Variants in SPON1 observed in about 807,000 individuals in gnomAD.
SPON1 encodes the protein spondin-1.
In SPON1, 52 loss-of-function variants were observed where a neutral mutation model predicts 111.7. The observed-to-expected ratio is 0.47, with a 90% CI of 0.37 to 0.59. The LOEUF (loss-of-function observed/expected upper bound fraction) is 0.59, where lower values mean the gene tolerates loss of function less well. SPON1 is among the 20% of genes least tolerant of loss of function. SPON1 has a pLI of 0.00. For synonymous variants in SPON1, 410 were observed against 395.8 expected (o/e 1.04, Z -0.43); for missense variants, 957 against 1,068.5 (o/e 0.90, Z 1.46).
At chr11:14,040,287 T>C (rs1472075507) in intron 2 of SPON1, among the ~76,000 whole-genome samples, 1 of 152,166 alleles carries the variant, frequency 6.6e-6, no homozygotes, top group Non-Finnish European at 1.5e-5. Context: ...ATGTGATCTA[T>C]GCATGCAATG....
At chr11:14,165,056 A>G (rs1313639294) in intron 6 of SPON1, among the ~76,000 whole-genome samples, 1 of 152,180 alleles carries the variant, frequency 6.6e-6, no homozygotes, top group Non-Finnish European at 1.5e-5. Flanking sequence ...CTTGTGGCTA[A>G]TGTTAGTCCT....
intron 6 of SPON1, among the ~76,000 whole-genome samples, chr11:14,229,463 T>G (rs1848772059): frequency 2.6e-5 from 4 of 152,132 alleles, no homozygotes; most frequent in Admixed American, 2.0e-4. Flanking sequence ...GGTCAGGCAG[T>G]AGTGAGAGGT....
At chr11:14,079,547 G>T (rs1386934760) in intron 4 of SPON1, among the ~76,000 whole-genome samples, 1 of 152,082 alleles carries the variant, frequency 6.6e-6, no homozygotes, top group Non-Finnish European at 1.5e-5. Flanking sequence ...TGTGGGAGGG[G>T]TGGGGAAGGA....
chr11:14,202,190 C>G (rs918927430), intron 6 of SPON1, among the ~76,000 whole-genome samples: 6 of 152,154 alleles, frequency 3.9e-5, no homozygotes, highest in Admixed American at 3.9e-4. Context: ...ACCGAGGAAA[C>G]GTTCACTTGT....
intron 2 of SPON1, among the ~76,000 whole-genome samples, chr11:14,037,289 G>C (rs782578725): frequency 3.3e-5 from 5 of 152,084 alleles, no homozygotes; most frequent in Non-Finnish European, 7.4e-5. Flanking sequence ...TGGAGCACAA[G>C]TTGAATCCAG....
chr11:14,230,780 CTTCCTTCA>C (rs1337751966), intron 6 of SPON1, among the ~76,000 whole-genome samples: 1 of 113,394 alleles, frequency 8.8e-6, no homozygotes, highest in Non-Finnish European at 1.9e-5. Context: ...TCCTTCCTTC[CTTCCTTCA>C]TTTTTTCGTG....
chr11:14,046,769 C>T (rs147292676), intron 3 of SPON1, among the ~76,000 whole-genome samples: 172 of 152,228 alleles, frequency 1.1e-3, no homozygotes, highest in South Asian at 4.6e-3. Context: ...TTTGGGATTT[C>T]GAATGGCTTT....
At chr11:14,117,241 T>C (rs1428351032) in intron 5 of SPON1, among the ~76,000 whole-genome samples, 5 of 152,222 alleles carry the variant, frequency 3.3e-5, no homozygotes, top group African/African-American at 1.2e-4. Flanking sequence ...GTGGCAATAA[T>C]GGACATTCTT....
chr11:14,166,784 A>C (rs1848034894), intron 6 of SPON1, among the ~76,000 whole-genome samples: 1 of 152,198 alleles, frequency 6.6e-6, no homozygotes, highest in East Asian at 1.9e-4. Flanking sequence ...TTATACAAAC[A>C]CAGTCCAAAG....
intron 7 of SPON1, among the ~76,000 whole-genome samples, chr11:14,246,519 C>G (rs1848991764): frequency 6.6e-6 from 1 of 152,096 alleles, no homozygotes; most frequent in Admixed American, 6.6e-5. Flanking sequence ...CTAAATTAAT[C>G]AAGACATATA....
At chr11:13,996,357 A>C (rs1369079011) in intron 2 of SPON1, among the ~76,000 whole-genome samples, 6 of 152,206 alleles carry the variant, frequency 3.9e-5, no homozygotes, top group Admixed American at 6.5e-5. Flanking sequence ...GTGAAAAGTC[A>C]TTTGTAAGAA....
intron 5 of SPON1, among the ~76,000 whole-genome samples, chr11:14,114,978 A>G (rs1554925849): frequency 6.6e-6 from 1 of 152,206 alleles, no homozygotes; most frequent in African/African-American, 2.4e-5. Context: ...TAAAAATAGT[A>G]GCTTTGCAAC....
intron 6 of SPON1, among the ~76,000 whole-genome samples, chr11:14,229,167 G>A (rs1031367126): frequency 6.6e-6 from 1 of 152,172 alleles, no homozygotes. Context: ...TAATATTTGG[G>A]AATAAAAACT....
At chr11:14,157,556 A>AT (rs543838579) in intron 6 of SPON1, among the ~76,000 whole-genome samples, 87 of 152,308 alleles carry the variant, frequency 5.7e-4, no homozygotes, top group African/African-American at 1.9e-3. Context: ...CACTTCATGC[A>AT]TCCATGTCTT....
At chr11:14,006,297 T>G (rs1456789762) in intron 2 of SPON1, among the ~76,000 whole-genome samples, 2 of 150,074 alleles carry the variant, frequency 1.3e-5, no homozygotes, top group African/African-American at 2.4e-5. Flanking sequence ...TGTTTTTTGG[T>G]TTTTTTTGGC....
At chr11:14,028,650 T>C (rs1459243870) in intron 2 of SPON1, among the ~76,000 whole-genome samples, 1 of 152,120 alleles carries the variant, frequency 6.6e-6, no homozygotes, top group Non-Finnish European at 1.5e-5. Context: ...CAGGGCCCAT[T>C]CTCTGATTGT....
In SPON1 at chr11:14,126,844, G is replaced by T. The variant is rs1157633501; in HGVS notation, c.677-8576G>T. Among the ~76,000 whole-genome samples, 3 of 152,238 alleles carry T rather than the reference G, an allele frequency of 2.0e-5. 1 individual carries two copies. The Middle Eastern group carries it at 0.01, about 518-fold the overall frequency. ...CTCTCTCCTCCTCTATTTACTAGAGGATGTGGGGCCCAGGTGTAAACTTTC... is the reference window on the plus strand; with the variant it reads ...CTCTCTCCTCCTCTATTTACTAGAGTATGTGGGGCCCAGGTGTAAACTTTC... On this transcript the variant is annotated intron_variant, in intron 5 of 15. Coordinates refer to ENST00000576479, the MANE Select transcript of SPON1 (RefSeq NM_006108.4).
At chr11:14,076,997 C>T (rs1554921534) in intron 4 of SPON1, among the ~76,000 whole-genome samples, 1 of 152,214 alleles carries the variant, frequency 6.6e-6, no homozygotes, top group Non-Finnish European at 1.5e-5. Flanking sequence ...CTTGGTTCCT[C>T]AATGACAATC....
In SPON1 at chr11:14,255,779, G is replaced by A. The variant is rs782060509; in HGVS notation, c.1225G>A (p.Ala409Thr). The A allele has an allele frequency of 6.8e-6, 11 of 1,613,728 alleles. No homozygotes were observed. Among genetic ancestry groups the A allele is most frequent in the South Asian group, 2.2e-5 (2 of 91,056 alleles). Residue 409 changes from alanine to threonine, a missense_variant, in exon 9 of 16, where the codon GCA (alanine) becomes ACA (threonine). By Grantham distance (58) the Ala-to-Thr change is moderately conservative (BLOSUM62 0). Around this residue, in one of 5 missense-constraint regions of SPON1, gnomAD observed 549 missense variants for 606.2 expected, o/e 0.91. Transcript: ENST00000576479. ...QVARVVIERI[A>T]RKGEQCNIVP... ...AGCCAGAGTTGTCATCGAGAGAATCGCACGGAAGGTACTGGGTTAGAACCC... is the reference window on the plus strand; with the variant it reads ...AGCCAGAGTTGTCATCGAGAGAATCACACGGAAGGTACTGGGTTAGAACCC...
Sources: allele counts gnomAD v4.1 joint callset (sites outside exome capture counted in the v4.1 genomes callset), GRCh38; gene constraint gnomAD v4.1.1; regional missense constraint gnomAD v4.1.1; transcripts MANE v1.5; gene names NCBI Gene and HGNC (gene_info 2026-07-23, HGNC 2026-07-21).